AGO3: variants seen among roughly 807,000 people sequenced by gnomAD.
AGO3 encodes argonaute RISC catalytic component 3.
A neutral mutation model predicts 105.5 loss-of-function variants in AGO3; 16 were observed. The ratio of observed to expected loss-of-function variants is 0.15; its 90% CI spans 0.10 to 0.23. The LOEUF is 0.23. Among genes scored for constraint, AGO3 ranks in the 10% least tolerant of loss-of-function variants. The probability of loss-of-function intolerance (pLI) is 1.00; values close to 1 mark genes in which losing one functional copy is unlikely to be tolerated. For synonymous variants in AGO3, 340 were observed against 367.3 expected (o/e 0.93, Z 0.85); for missense variants, 534 against 1,088.0 (o/e 0.49, Z 7.16).
intron 12 of AGO3, among the ~76,000 whole-genome samples, chr1:36,031,160 C>T (rs753141129): frequency 6.6e-6 from 1 of 152,056 alleles, no homozygotes; most frequent in Non-Finnish European, 1.5e-5. Context: ...CAACCTTCCT[C>T]CTTACTTTTG....
At chr1:35,944,544 C>CTTTTTTTTTTTTTTT (rs761797350) in intron 1 of AGO3, among the ~76,000 whole-genome samples, 1 of 105,484 alleles carries the variant, frequency 9.5e-6, no homozygotes. Flanking sequence ...ATTTTATTTA[C>CTTTTTTTTTTTTTTT]TTTTTTTTTT....
chr1:35,964,667 G>T (rs905105308), intron 2 of AGO3, among the ~76,000 whole-genome samples: 1 of 152,130 alleles, frequency 6.6e-6, no homozygotes, highest in Admixed American at 6.6e-5. Flanking sequence ...GGGTTAAATG[G>T]TAGTTCTCTT....
chr1:36,010,558 C>T (rs1640553859), intron 9 of AGO3, among the ~76,000 whole-genome samples: 1 of 150,154 alleles, frequency 6.7e-6, no homozygotes, highest in African/African-American at 2.5e-5. Context: ...GAGCCGATCA[C>T]ACCACTGCAC....
chr1:35,933,291 T>G (rs1334935966), intron 1 of AGO3, among the ~76,000 whole-genome samples: 1 of 152,192 alleles, frequency 6.6e-6, no homozygotes, highest in Non-Finnish European at 1.5e-5. Context: ...CTGAGACTTG[T>G]ATATAATTGG....
At chr1:36,028,398 C>CT (rs1351535826) in intron 12 of AGO3, among the ~76,000 whole-genome samples, 62 of 109,002 alleles carry the variant, frequency 5.7e-4, no homozygotes, top group African/African-American at 2.1e-3. Flanking sequence ...CCCTCCCCCC[C>CT]CCCCACCCCA....
chr1:35,986,313 T>C (rs1023846125), intron 5 of AGO3, among the ~76,000 whole-genome samples: 1 of 152,228 alleles, frequency 6.6e-6, no homozygotes, highest in Non-Finnish European at 1.5e-5. Context: ...AAACAGCACG[T>C]AAATAGTTAC....
intron 17 of AGO3, among the ~76,000 whole-genome samples, chr1:36,052,611 T>C (rs1642762266): frequency 6.6e-6 from 1 of 152,214 alleles, no homozygotes; most frequent in Non-Finnish European, 1.5e-5. Context: ...TTGATCATTA[T>C]ACATTATATA....
intron 1 of AGO3, among the ~76,000 whole-genome samples, chr1:35,937,419 G>A (rs1359105851): frequency 6.6e-6 from 1 of 151,854 alleles, no homozygotes; most frequent in Non-Finnish European, 1.5e-5. Context: ...CCAGCCGGAT[G>A]TGGTGGCTCC....
intron 12 of AGO3, among the ~76,000 whole-genome samples, chr1:36,030,477 C>T (rs1641720906): frequency 6.6e-6 from 1 of 150,380 alleles, no homozygotes; most frequent in African/African-American, 2.5e-5. Flanking sequence ...ACTCCAGCAG[C>T]CTGGGCAACA....
chr1:35,948,152 T>C (rs1646402228), intron 2 of AGO3, among the ~76,000 whole-genome samples: 1 of 151,964 alleles, frequency 6.6e-6, no homozygotes, highest in South Asian at 2.1e-4. Flanking sequence ...CAAGTTTTTT[T>C]AGTATGCCAG....
rs994918123 is a variant in AGO3, at chr1:36,068,706, C to T, written c.*12961C>T. The T allele has an allele frequency of 2.6e-5, 4 of 152,148 alleles. No individual in the cohort carries two copies. Among genetic ancestry groups the T allele is most frequent in the East Asian group, 1.9e-4 (1 of 5,194 alleles). The allele number at this position is 152,148 out of a possible 1,614,324, so 9.4% of individuals were successfully genotyped here. Reference sequence around the variant, plus strand: ...AAAAATTATATTGAATGAATTAATACTTAACCTGTTCATTTCTCTTAATTT... The same window carrying T: ...AAAAATTATATTGAATGAATTAATATTTAACCTGTTCATTTCTCTTAATTT... On this transcript the variant is annotated 3_prime_UTR_variant, in exon 19 of 19. Coordinates refer to ENST00000373191, the MANE Select transcript of AGO3 (RefSeq NM_024852.4).
chr1:35,999,240 T>C (rs962793921), intron 5 of AGO3, among the ~76,000 whole-genome samples: 2 of 152,024 alleles, frequency 1.3e-5, no homozygotes, highest in African/African-American at 4.8e-5. Context: ...CTCGGGAGGC[T>C]GAGGCAGGAG....
intron 5 of AGO3, chr1:35,982,915 A>G (rs1403698727): frequency 5.3e-6 from 2 of 374,102 alleles, no homozygotes; most frequent in Admixed American, 4.4e-5. Context: ...ATATCAGTCA[A>G]GGTTCAGAAC....
intron 5 of AGO3, among the ~76,000 whole-genome samples, chr1:35,981,910 G>A (rs893435118): frequency 6.6e-6 from 1 of 152,160 alleles, no homozygotes; most frequent in African/African-American, 2.4e-5. Flanking sequence ...ATGCTCAGAT[G>A]TGGCTTCTTT....
intron 5 of AGO3, among the ~76,000 whole-genome samples, chr1:35,987,272 G>A (rs1008787607): frequency 3.3e-5 from 5 of 151,696 alleles, no homozygotes; most frequent in East Asian, 2.0e-4. Context: ...AGGTTGCAGC[G>A]AGCCGAGATC....
intron 16 of AGO3, among the ~76,000 whole-genome samples, chr1:36,040,855 T>C (rs1279191596): frequency 6.6e-6 from 1 of 151,994 alleles, no homozygotes; most frequent in East Asian, 1.9e-4. Flanking sequence ...GGCAGATCAC[T>C]TGAGGTCAGG....
chr1:36,043,375 A>G (rs755272335), intron 16 of AGO3, 72 bp from the exon 17 acceptor site: 51 of 1,244,824 alleles, frequency 4.1e-5, no homozygotes, highest in Middle Eastern at 1.9e-4. Flanking sequence ...GTATTCATAC[A>G]TTTTTTAAAG....
At chr1:35,986,228 A>G (rs1249762425) in intron 5 of AGO3, among the ~76,000 whole-genome samples, 1 of 152,252 alleles carries the variant, frequency 6.6e-6, no homozygotes, top group Non-Finnish European at 1.5e-5. Flanking sequence ...GATATCTTGC[A>G]TGTGTGCTTG....
At chr1:36,023,127 G>A (rs1641325567) in intron 11 of AGO3, among the ~76,000 whole-genome samples, 1 of 152,096 alleles carries the variant, frequency 6.6e-6, no homozygotes, top group African/African-American at 2.4e-5. Context: ...TCTGATTCTG[G>A]ACCTGGTCCA....
Sources: gnomAD v4.1 joint callset for allele counts (sites outside exome capture counted in the v4.1 genomes callset) on GRCh38, gnomAD v4.1.1 for gene constraint, MANE v1.5 for transcripts, NCBI Gene and HGNC (gene_info 2026-07-23, HGNC 2026-07-21) for gene names.